ADAMTSL3: variants seen among roughly 807,000 people sequenced by gnomAD.
ADAMTSL3 encodes the protein ADAMTS-like protein 3.
A neutral mutation model predicts 201.7 loss-of-function variants in ADAMTSL3; 128 were observed. That is an observed-to-expected ratio of 0.63 (90% CI 0.55 to 0.73). ADAMTSL3 has a LOEUF of 0.73. Ranked by LOEUF, ADAMTSL3 falls within the 30% of genes least tolerant of loss-of-function variation. The pLI, the probability that ADAMTSL3 is intolerant of heterozygous loss-of-function variation, is 0.00. For synonymous variants in ADAMTSL3, 738 were observed against 748.4 expected (o/e 0.99, Z 0.23); for missense variants, 1,990 against 2,119.6 (o/e 0.94, Z 1.20).
intron 7 of ADAMTSL3, among the ~76,000 whole-genome samples, chr15:83,843,260 T>A (rs1484874888): frequency 7.1e-6 from 1 of 141,664 alleles, no homozygotes; most frequent in Non-Finnish European, 1.5e-5. Context: ...TTAAAAAAAA[T>A]CAATTTCTAC....
At chr15:83,801,651 A>AATATAAATATAAATATATAT (rs1555445598) in intron 4 of ADAMTSL3, among the ~76,000 whole-genome samples, 1 of 31,276 alleles carries the variant, frequency 3.2e-5, no homozygotes, top group African/African-American at 9.4e-5. Flanking sequence ...TATAAATATA[A>AATATAAATATAAATATATAT]ATATATATAT....
intron 7 of ADAMTSL3, among the ~76,000 whole-genome samples, chr15:83,844,841 C>G (rs530662957): frequency 6.6e-6 from 1 of 152,312 alleles, no homozygotes; most frequent in African/African-American, 2.4e-5. Flanking sequence ...CATGGAGAAG[C>G]AGACAGACTG....
intron 4 of ADAMTSL3, among the ~76,000 whole-genome samples, chr15:83,779,791 C>A (rs1429210982): frequency 1.3e-5 from 2 of 150,706 alleles, no homozygotes; most frequent in Non-Finnish European, 1.5e-5. Flanking sequence ...TAAAACCATA[C>A]AATCACATGG....
chr15:83,668,596 C>T (rs1334742118), intron 2 of ADAMTSL3, among the ~76,000 whole-genome samples: 4 of 152,082 alleles, frequency 2.6e-5, no homozygotes, highest in Non-Finnish European at 5.9e-5. Flanking sequence ...TTCCTAAGCT[C>T]ACTTTTTCTG....
chr15:83,739,421 C>G (rs2062419642), intron 3 of ADAMTSL3, among the ~76,000 whole-genome samples: 1 of 149,414 alleles, frequency 6.7e-6, no homozygotes, highest in African/African-American at 2.5e-5. Flanking sequence ...TGAACGGTCA[C>G]AGTTAAAACA....
At chr15:83,700,166 C>T (rs532952853) in intron 2 of ADAMTSL3, among the ~76,000 whole-genome samples, 4 of 152,242 alleles carry the variant, frequency 2.6e-5, no homozygotes, top group Non-Finnish European at 4.4e-5. Flanking sequence ...CCACTATATG[C>T]GGGAAGCTGT....
At chr15:83,883,935 C>T (rs1207926189) in intron 9 of ADAMTSL3, among the ~76,000 whole-genome samples, 5 of 150,386 alleles carry the variant, frequency 3.3e-5, no homozygotes, top group Admixed American at 6.7e-5. Flanking sequence ...TTTTGTTGCC[C>T]CGGCTGGAGT....
chr15:83,870,653 T>C, intron 8 of ADAMTSL3, 149 bp from the exon 9 acceptor site: 1 of 634,804 alleles, frequency 1.6e-6, no homozygotes, highest in Non-Finnish European at 2.5e-6. Context: ...ATATATCTAT[T>C]CCACCAATAT....
chr15:83,701,343 G>C (rs1287058545), intron 2 of ADAMTSL3, among the ~76,000 whole-genome samples: 1 of 152,178 alleles, frequency 6.6e-6, no homozygotes, highest in African/African-American at 2.4e-5. Context: ...CAGGAGGTGG[G>C]TGATAGTGTG....
intron 9 of ADAMTSL3, among the ~76,000 whole-genome samples, 183 bp downstream of exon 9, chr15:83,871,142 C>G (rs566846124): frequency 6.6e-6 from 1 of 152,322 alleles, no homozygotes; most frequent in Non-Finnish European, 1.5e-5. Context: ...AATTTCTGCT[C>G]CTAACCCTAA....
chr15:83,858,488 T>C (rs1198651102), intron 7 of ADAMTSL3, among the ~76,000 whole-genome samples: 1 of 152,270 alleles, frequency 6.6e-6, no homozygotes, highest in African/African-American at 2.4e-5. Context: ...TTCTCCTGCC[T>C]CAGCCTCCCG....
At chr15:83,858,506 G>T (rs572748816) in intron 7 of ADAMTSL3, among the ~76,000 whole-genome samples, 1 of 152,210 alleles carries the variant, frequency 6.6e-6, no homozygotes, top group East Asian at 1.9e-4. Flanking sequence ...CCGGGTAGCT[G>T]GGACTACAGG....
At chr15:83,734,599 T>C (rs556759797) in intron 3 of ADAMTSL3, among the ~76,000 whole-genome samples, 15 of 152,254 alleles carry the variant, frequency 9.9e-5, no homozygotes, top group African/African-American at 3.6e-4. Flanking sequence ...CCCTGCTGAC[T>C]CACACCTGCC....
intron 17 of ADAMTSL3, among the ~76,000 whole-genome samples, chr15:83,927,458 A>G (rs1272444053): frequency 6.6e-6 from 1 of 152,138 alleles, no homozygotes; most frequent in East Asian, 1.9e-4. Context: ...ACAATGGATG[A>G]ACCTGTTCAC....
intron 3 of ADAMTSL3, among the ~76,000 whole-genome samples, chr15:83,772,628 C>T (rs775861524): frequency 2.2e-4 from 34 of 152,098 alleles, no homozygotes; most frequent in Admixed American, 5.2e-4. Flanking sequence ...TTCCACAAAT[C>T]CTTATGCAAG....
chr15:83,833,076 G>A (rs986938639), intron 6 of ADAMTSL3, among the ~76,000 whole-genome samples: 2 of 152,158 alleles, frequency 1.3e-5, no homozygotes, highest in Non-Finnish European at 2.9e-5. Context: ...GTCCTTTACT[G>A]TTAGCTCATC....
At chr15:83,779,554 C>T (rs150007801) in intron 4 of ADAMTSL3, among the ~76,000 whole-genome samples, 13,324 of 151,604 alleles carry the variant, frequency 0.088, 679 homozygotes, top group East Asian at 0.18. Flanking sequence ...AAAAATTAGC[C>T]GGGCGTGGTG....
chr15:83,698,125 T>TA (rs1338110703), intron 2 of ADAMTSL3, among the ~76,000 whole-genome samples: 2 of 152,130 alleles, frequency 1.3e-5, no homozygotes, highest in South Asian at 4.2e-4. Flanking sequence ...CTCACAAAAT[T>TA]ACAAGGATTT....
intron 6 of ADAMTSL3, among the ~76,000 whole-genome samples, chr15:83,831,680 C>A (rs2064160077): frequency 6.6e-6 from 1 of 152,132 alleles, no homozygotes; most frequent in Non-Finnish European, 1.5e-5. Flanking sequence ...AGGTGTGCCA[C>A]CACTGGCTAA....
Sources: gnomAD v4.1 joint callset for allele counts (sites outside exome capture counted in the v4.1 genomes callset) on GRCh38, gnomAD v4.1.1 for gene constraint, MANE v1.5 for transcripts, NCBI Gene and HGNC (gene_info 2026-07-23, HGNC 2026-07-21) for gene names.